Variants in EPHA3 observed in about 807,000 individuals in gnomAD.
The protein encoded by EPHA3 is ephrin type-A receptor 3.
In EPHA3, 42 loss-of-function variants were observed where a neutral mutation model predicts 107.1. The ratio of observed to expected loss-of-function variants is 0.39; its 90% CI spans 0.31 to 0.51. The LOEUF (loss-of-function observed/expected upper bound fraction) is 0.51, where lower values mean the gene tolerates loss of function less well. EPHA3 is among the 20% of genes least tolerant of loss of function. The probability of loss-of-function intolerance (pLI) is 0.78; values close to 1 mark genes in which losing one functional copy is unlikely to be tolerated. For synonymous variants in EPHA3, 461 were observed against 424.8 expected, an observed-to-expected ratio of 1.09 and a Z score of -1.05; for missense variants, 1,183 against 1,211.2, an observed-to-expected ratio of 0.98 and a Z score of 0.35.
At chr3:89,314,429 A>G (rs1706843982) in intron 3 of EPHA3, among the ~76,000 whole-genome samples, 1 of 151,944 alleles carries the variant, frequency 6.6e-6, no homozygotes, top group Non-Finnish European at 1.5e-5. Context: ...GTGGGAATCA[A>G]TGCTAATGTG....
At position 89,192,517 on chromosome 3, in the gene EPHA3, A is replaced by C. The variant is rs560894806; in HGVS notation, c.154-17343A>C. Among the ~76,000 whole-genome samples the C allele has an allele frequency of 4.9e-4, 74 of 152,186 alleles. No homozygotes were observed. The South Asian group carries it at 0.015, about 31-fold the overall frequency. On this transcript the variant is annotated intron_variant, in intron 2 of 16. Transcript: ENST00000336596. ...CCAAAATATATTCATATATGTATAC[A>C]CATCAAGTAGAAATAAATAAAATGA...
At position 89,444,450 on chromosome 3, in the gene EPHA3, C is replaced by A. The variant is rs550268740; in HGVS notation, c.2347-4775C>A. Among the ~76,000 whole-genome samples the A allele has an allele frequency of 5.9e-4, 89 of 151,752 alleles. 2 individuals are homozygous for A. The highest frequency in any genetic ancestry group is 3.7e-4 in the Non-Finnish European group (25 of 67,940). On this transcript the variant is annotated intron_variant, in intron 13 of 16. Transcript: ENST00000336596. ...TATTCTTTTATTTTTAAAGCCAGAGCAATTTGATATTATTTGCTTGCCATA... is the reference window on the plus strand; with the variant it reads ...TATTCTTTTATTTTTAAAGCCAGAGAAATTTGATATTATTTGCTTGCCATA...
At chr3:89,339,516 C>T (rs1167703805) in intron 3 of EPHA3, among the ~76,000 whole-genome samples, 1 of 151,926 alleles carries the variant, frequency 6.6e-6, no homozygotes, top group African/African-American at 2.4e-5. Flanking sequence ...TTGGTAGGAA[C>T]TAGAAAACAG....
chr3:89,319,404 G>A (rs568374892), intron 3 of EPHA3, among the ~76,000 whole-genome samples: 5 of 151,902 alleles, frequency 3.3e-5, no homozygotes, highest in Non-Finnish European at 7.4e-5. Flanking sequence ...TAGGATATCC[G>A]ATACACAAGG....
chr3:89,179,271 GA>G (rs1258123662), intron 2 of EPHA3, among the ~76,000 whole-genome samples: 2 of 152,058 alleles, frequency 1.3e-5, no homozygotes, highest in South Asian at 4.1e-4. Flanking sequence ...ACTGATCTCT[GA>G]TATCTCTTAT....
intron 5 of EPHA3, among the ~76,000 whole-genome samples, chr3:89,394,452 A>C (rs1161121371): frequency 2.0e-5 from 3 of 152,196 alleles, no homozygotes; most frequent in Admixed American, 6.5e-5. Context: ...TCCATGCTTC[A>C]ATTAGAAGGT....
In EPHA3 at chr3:89,472,521, A is replaced by G; in HGVS notation, c.2748A>G (p.Thr916=). Residue 916 remains threonine, a synonymous_variant, in exon 16 of 17, where the codon ACA becomes ACG. Transcript: ENST00000336596. Reference sequence around the variant, plus strand: ...TGGATATCACTACCTTCCGCACAACAGGTGACTGGCTTAATGGTGTCTGGA... The same window carrying G: ...TGGATATCACTACCTTCCGCACAACGGGTGACTGGCTTAATGGTGTCTGGA... ...SNVDITTFRT[T]GDWLNGVWTA... 1 of 1,614,158 alleles carries G rather than the reference A, an allele frequency of 6.2e-7. No individual in the cohort carries two copies. The highest frequency in any genetic ancestry group is 8.5e-7 in the Non-Finnish European group (1 of 1,180,006).
intron 11 of EPHA3, among the ~76,000 whole-genome samples, chr3:89,425,298 A>G (rs1709433155): frequency 6.6e-6 from 1 of 151,386 alleles, no homozygotes; most frequent in Non-Finnish European, 1.5e-5. Flanking sequence ...TAGGTATGAT[A>G]TGTGAAAATC....
chr3:89,453,907 C>T (rs1417708253), intron 15 of EPHA3, among the ~76,000 whole-genome samples: 1 of 152,136 alleles, frequency 6.6e-6, no homozygotes, highest in Non-Finnish European at 1.5e-5. Context: ...CAGTGTCCCT[C>T]TATTTGTCAG....
At chr3:89,188,407 T>C (rs1705623604) in intron 2 of EPHA3, among the ~76,000 whole-genome samples, 2 of 152,184 alleles carry the variant, frequency 1.3e-5, no homozygotes, top group East Asian at 3.8e-4. Flanking sequence ...ACTTCTTCAT[T>C]TGGTGTCAGC....
chr3:89,479,359 G>T, intron 16 of EPHA3, 38 bp from the exon 17 acceptor site: 2 of 1,547,440 alleles, frequency 1.3e-6, no homozygotes, highest in Non-Finnish European at 1.8e-6. Flanking sequence ...ATACACTATC[G>T]AGGAAACCGA....
At chr3:89,201,642 A>G (rs1250517434) in intron 2 of EPHA3, among the ~76,000 whole-genome samples, 1 of 152,214 alleles carries the variant, frequency 6.6e-6, no homozygotes, top group African/African-American at 2.4e-5. Context: ...TGGGTTAATA[A>G]TCATCTTGTT....
At chr3:89,212,302 A>G (rs1704120816) in intron 3 of EPHA3, among the ~76,000 whole-genome samples, 1 of 151,978 alleles carries the variant, frequency 6.6e-6, no homozygotes, top group African/African-American at 2.4e-5. Context: ...ATCTGGGCAG[A>G]CTTGCTGGAT....
Position 89,316,846 on chromosome 3 carries a change from C to T in EPHA3, c.815-24070C>T, listed in dbSNP as rs570469516. Among the ~76,000 whole-genome samples, 3 of 151,540 alleles carry T rather than the reference C, an allele frequency of 2.0e-5. No homozygotes were observed. In the East Asian group the frequency reaches 5.9e-4, roughly 30 times the overall value. ...GCAAAATCTTTCTTTTAGTAAGTAC[C>T]TCCTTTGTATCAGACACTTTATGAA... On this transcript the variant is annotated intron_variant, in intron 3 of 16. Coordinates refer to ENST00000336596, the MANE Select transcript of EPHA3 (RefSeq NM_005233.6).
chr3:89,132,355 GT>G (rs1420864582), intron 2 of EPHA3, among the ~76,000 whole-genome samples: 1 of 152,126 alleles, frequency 6.6e-6, no homozygotes, highest in South Asian at 2.1e-4. Flanking sequence ...AGGATAGAAT[GT>G]TTTATCTTTG....
At position 89,480,614 on chromosome 3, in the gene EPHA3, A is replaced by G. The variant is rs1710604297; in HGVS notation, c.*1112A>G. On this transcript the variant is annotated 3_prime_UTR_variant, in exon 17 of 17. Coordinates refer to ENST00000336596, the MANE Select transcript of EPHA3 (RefSeq NM_005233.6). ...GACAACACAGCCTATAGGCCAATGC[A>G]TGAGTAAAAAAAAAAACAATTACTG... The G allele has an allele frequency of 1.8e-5, 4 of 224,574 alleles. No individual in the cohort carries two copies. The South Asian group carries it at 5.5e-4, about 31-fold the overall frequency. The allele number at this position is 224,574 out of a possible 1,614,324, so 13.9% of individuals were successfully genotyped here. A position where few individuals can be genotyped will look rare whatever the true frequency, so the allele number is the denominator to read the frequency against.
intron 5 of EPHA3, among the ~76,000 whole-genome samples, chr3:89,391,006 G>A (rs908277774): frequency 1.3e-5 from 2 of 151,814 alleles, no homozygotes; most frequent in Non-Finnish European, 2.9e-5. Context: ...GGCTGGTCTC[G>A]AACTCCTGAC....
At chr3:89,450,592 T>C (rs1309915034) in intron 15 of EPHA3, among the ~76,000 whole-genome samples, 1 of 152,170 alleles carries the variant, frequency 6.6e-6, no homozygotes, top group Non-Finnish European at 1.5e-5. Context: ...ACATCTATCT[T>C]GACTCTACAT....
chr3:89,248,352 A>G lies in EPHA3; in HGVS notation c.814+37832A>G, dbSNP rs114948295. 9.4e-3 allele frequency among the ~76,000 whole-genome samples: 1,427 copies of G among 152,258 alleles called. 25 individuals are homozygous for G. Among genetic ancestry groups the G allele is most frequent in the African/African-American group, 0.033 (1,365 of 41,548 alleles). ...CACTAGACTCATTCTAAAACGTCTG[A>G]CTTCCTGCAACTCAGGGATTTATCA... On this transcript the variant is annotated intron_variant, in intron 3 of 16. Coordinates refer to ENST00000336596, the MANE Select transcript of EPHA3 (RefSeq NM_005233.6).
Sources: allele counts gnomAD v4.1 joint callset (sites outside exome capture counted in the v4.1 genomes callset), GRCh38; gene constraint gnomAD v4.1.1; transcripts MANE v1.5; gene names NCBI Gene and HGNC (gene_info 2026-07-23, HGNC 2026-07-21).